Variants in KLKB1 observed in about 807,000 individuals in gnomAD.
KLKB1 encodes kallikrein B1.
In KLKB1, 58 loss-of-function variants were observed where a neutral mutation model predicts 73.6. The observed-to-expected ratio is 0.79, with a 90% CI of 0.64 to 0.98. The LOEUF is 0.98. Among genes scored for constraint, KLKB1 ranks in the 50% least tolerant of loss-of-function variants. The pLI is 0.00. For missense variants in KLKB1, 737 were observed against 763.8 expected (o/e 0.96, Z 0.41); for synonymous variants, 280 against 258.1 (o/e 1.08, Z -0.81).
Position 186,258,190 on chromosome 4 carries a change from C to T in KLKB1, c.1895C>T (p.Ala632Val), listed in dbSNP as rs748222175. The part of the protein sequence containing the change: ...LEKTQSSDGK[A>V]QMQSPA ...AAAACACAGAGCAGTGATGGAAAAG[C>T]TCAGATGCAGTCACCAGCATGAGAA... Residue 632 changes from alanine (A) to valine (V), a missense_variant, in exon 15 of 15, where the codon GCT becomes GTT. By Grantham distance (64) the Ala-to-Val change is moderately conservative. Transcript: ENST00000264690. 6.8e-6 allele frequency: 11 copies of T among 1,614,098 alleles called. No individual in the cohort carries two copies. In the Admixed American group the frequency reaches 1.5e-4, roughly 22 times the overall value.
Position 186,252,204 on chromosome 4 carries a change from T to C in KLKB1, c.1313+19T>C, listed in dbSNP as rs375338954. 5.6e-6 allele frequency: 9 copies of C among 1,608,758 alleles called. No individual in the cohort carries two copies. Among genetic ancestry groups the C allele is most frequent in the Non-Finnish European group, 6.8e-6 (8 of 1,175,884 alleles). ...TTGATGGGTAAGTGTTGGATGCATC[T>C]CATCCAGAGTCTTATCTTGGCTTTT... On this transcript the variant is annotated intron_variant, in intron 11 of 14. Transcript: ENST00000264690.
At chr4:186,247,985 C>G (rs1349794626) in intron 6 of KLKB1, among the ~76,000 whole-genome samples, 2 of 152,174 alleles carry the variant, frequency 1.3e-5, no homozygotes, top group Admixed American at 1.3e-4. Flanking sequence ...CGGTGGCTCA[C>G]GCCTGTAATC....
chr4:186,250,507 C>G, intron 7 of KLKB1, 105 bp downstream of exon 7: 10 of 1,333,162 alleles, frequency 7.5e-6, no homozygotes, highest in Non-Finnish European at 9.6e-6. Context: ...AAGTTTCGTT[C>G]ATTTCCCTCA....
At chr4:186,240,451 G>T (rs1737970686) in intron 6 of KLKB1, among the ~76,000 whole-genome samples, 2 of 152,168 alleles carry the variant, frequency 1.3e-5, no homozygotes, top group South Asian at 4.1e-4. Flanking sequence ...CTAGTGAAAT[G>T]ACTCTACCAG....
At chr4:186,253,882 G>A (rs1310875532) in intron 11 of KLKB1, among the ~76,000 whole-genome samples, 2 of 151,902 alleles carry the variant, frequency 1.3e-5, no homozygotes, top group African/African-American at 4.8e-5. Context: ...GTTGCCCAGA[G>A]TAGAGTGCAG....
intron 3 of KLKB1, among the ~76,000 whole-genome samples, 191 bp from the exon 4 acceptor site, chr4:186,233,761 C>T (rs1197454336): frequency 6.6e-6 from 1 of 152,090 alleles, no homozygotes; most frequent in Non-Finnish European, 1.5e-5. Flanking sequence ...GTAAAGAAAA[C>T]GCAGTGATGG....
At chr4:186,250,479 T>TATAGTCTGAGTTCTTAA in intron 7 of KLKB1, 77 bp downstream of exon 7, 1 of 1,520,930 alleles carries the variant, frequency 6.6e-7, no homozygotes, top group Middle Eastern at 1.7e-4. Flanking sequence ...TCATCACTTT[T>TATAGTCTGAGTTCTTAA]ATAGTCTGAG....
Position 186,233,126 on chromosome 4 carries a change from G to A in KLKB1, c.222-826G>A, listed in dbSNP as rs1579997127. The stretch of plus-strand genomic sequence containing the variant: ...GACGGGGTTTCACCACATTGGCCAG[G>A]CTGGCCTTGAACTCCTGACCTCGTG... On this transcript the variant is annotated intron_variant, in intron 3 of 14. Transcript: ENST00000264690. 2.0e-5 allele frequency among the ~76,000 whole-genome samples: 3 copies of A among 152,036 alleles called. No individual in the cohort carries two copies. In the East Asian group the frequency reaches 5.8e-4, roughly 29 times the overall value.
In KLKB1 at chr4:186,245,562, G is replaced by A. The variant is rs185404743; in HGVS notation, c.599-4681G>A. 8.8e-4 allele frequency among the ~76,000 whole-genome samples: 134 copies of A among 152,224 alleles called. 1 individual carries two copies. Among genetic ancestry groups the A allele is most frequent in the Non-Finnish European group, 1.5e-3 (100 of 68,012 alleles). ...TCCTTGGCCCATTGGCCAGATTTCTGGCACTTGAAACAAGATCCTGATGGA... is the reference window on the plus strand; with the variant it reads ...TCCTTGGCCCATTGGCCAGATTTCTAGCACTTGAAACAAGATCCTGATGGA... On this transcript the variant is annotated intron_variant, in intron 6 of 14. Coordinates refer to ENST00000264690, the MANE Select transcript of KLKB1 (RefSeq NM_000892.5).
rs971185952 is a variant in KLKB1 at position 186,258,392 on chromosome 4, C to T, written c.*180C>T. 22 of 668,942 alleles carry T rather than the reference C, an allele frequency of 3.3e-5. No individual in the cohort carries two copies. The highest frequency in any genetic ancestry group is 5.1e-5 in the Non-Finnish European group (19 of 369,900). 41.4% of individuals were successfully genotyped at this position (668,942 alleles called of 1,614,324 possible). On this transcript the variant is annotated 3_prime_UTR_variant, in exon 15 of 15. Transcript: ENST00000264690. The stretch of plus-strand genomic sequence containing the variant: ...TGGCTGAAGCCCGCTTTCAGCACGC[C>T]GTAACCAGGGGCTGACAATGCGAGG...
intron 2 of KLKB1, among the ~76,000 whole-genome samples, chr4:186,230,479 G>A (rs758984373): frequency 6.6e-6 from 1 of 152,206 alleles, no homozygotes; most frequent in Non-Finnish European, 1.5e-5. Context: ...GGGGGCCCAT[G>A]TAAAAGCTTT....
chr4:186,230,420 G>C (rs943656205), intron 2 of KLKB1, among the ~76,000 whole-genome samples: 2 of 151,838 alleles, frequency 1.3e-5, no homozygotes, highest in Admixed American at 6.6e-5. Flanking sequence ...ATTATTGTTT[G>C]TGGAATTGTT....
Position 186,234,171 on chromosome 4 carries a change from T to C in KLKB1, c.328+113T>C, listed in dbSNP as rs1487379324. On this transcript the variant is annotated intron_variant, in intron 4 of 14. Coordinates refer to ENST00000264690, the MANE Select transcript of KLKB1 (RefSeq NM_000892.5). ...TTTTGGAAGGCATCACTCATAAAGA[T>C]AGGAGATGGGGCAGTATTCTGGACA... 1.8e-5 allele frequency: 14 copies of C among 780,154 alleles called. No individual in the cohort carries two copies. In the East Asian group the frequency reaches 2.1e-4, roughly 12 times the overall value. 48.3% of individuals were successfully genotyped at this position (780,154 alleles called of 1,614,324 possible).
intron 2 of KLKB1, chr4:186,212,269 C>T (rs897345387): frequency 9.2e-5 from 14 of 152,144 alleles, no homozygotes; most frequent in Admixed American, 2.6e-4. Context: ...CTGATTCAGG[C>T]ATACTTTTGG....
At chr4:186,247,050 G>C (rs905663977) in intron 6 of KLKB1, among the ~76,000 whole-genome samples, 1 of 152,192 alleles carries the variant, frequency 6.6e-6, no homozygotes, top group Non-Finnish European at 1.5e-5. Context: ...TTGGATAAGA[G>C]AGTAAAAAGA....
intron 1 of KLKB1, 138 bp from the exon 2 acceptor site, chr4:186,228,057 C>A: frequency 1.6e-6 from 1 of 629,042 alleles, no homozygotes; most frequent in Non-Finnish European, 2.8e-6. Context: ...AAAAAAAAAC[C>A]CTTGTTTTCT....
intron 13 of KLKB1, 54 bp from the exon 14 acceptor site, chr4:186,257,172 A>G (rs565507783): frequency 4.3e-6 from 4 of 923,736 alleles, no homozygotes; most frequent in South Asian, 4.0e-5. Context: ...ATTATTTATT[A>G]TTTAAGTTAT....
intron 3 of KLKB1, 21 bp from the exon 4 acceptor site, chr4:186,233,931 G>A (rs1242203466): frequency 2.7e-5 from 41 of 1,538,260 alleles, no homozygotes; most frequent in Non-Finnish European, 3.5e-5. Flanking sequence ...TACTTCCTAA[G>A]TAAAGCTACT....
At chr4:186,230,478 T>A (rs1462038846) in intron 2 of KLKB1, among the ~76,000 whole-genome samples, 1 of 152,214 alleles carries the variant, frequency 6.6e-6, no homozygotes, top group East Asian at 1.9e-4. Flanking sequence ...TGGGGGCCCA[T>A]GTAAAAGCTT....
Sources: gnomAD v4.1 joint callset for allele counts (sites outside exome capture counted in the v4.1 genomes callset) on GRCh38, gnomAD v4.1.1 for gene constraint, MANE v1.5 for transcripts, NCBI Gene and HGNC (gene_info 2026-07-23, HGNC 2026-07-21) for gene names.